Variants in SGCE observed in about 807,000 individuals in gnomAD.
The protein encoded by SGCE is sarcoglycan epsilon.
Under a neutral mutation model 57.8 loss-of-function variants are expected in SGCE, and 26 were observed. That is an observed-to-expected ratio of 0.45 (90% CI 0.33 to 0.62). The LOEUF (loss-of-function observed/expected upper bound fraction) is 0.62, where lower values mean the gene tolerates loss of function less well. SGCE is among the 20% of genes least tolerant of loss of function. The pLI is 0.02. For missense variants in SGCE, 468 were observed against 548.6 expected (o/e 0.85, Z 1.47); for synonymous variants, 183 against 189.5 (o/e 0.97, Z 0.28).
intron 5 of SGCE, among the ~76,000 whole-genome samples, chr7:94,606,869 A>G (rs1485918315): frequency 1.3e-5 from 2 of 152,212 alleles, no homozygotes; most frequent in Non-Finnish European, 2.9e-5. Context: ...TTGCACATGG[A>G]TTAAAGGAGA....
chr7:94,598,654 T>C, intron 9 of SGCE, 121 bp downstream of exon 9: 3 of 796,936 alleles, frequency 3.8e-6, no homozygotes, highest in Non-Finnish European at 6.7e-6. Flanking sequence ...ACAATGTCCT[T>C]TTGTTATTTT....
intron 1 of SGCE, among the ~76,000 whole-genome samples, chr7:94,630,696 T>A (rs1176078711): frequency 1.3e-5 from 2 of 151,958 alleles, no homozygotes; most frequent in Non-Finnish European, 2.9e-5. Context: ...GTTACTCTTG[T>A]CACTTCTACG....
intron 3 of SGCE, 113 bp downstream of exon 3, chr7:94,628,089 A>G (rs1804023792): frequency 3.9e-6 from 3 of 764,560 alleles, no homozygotes; most frequent in Middle Eastern, 2.7e-4. Flanking sequence ...AATATTAAAA[A>G]CCACCATCAG....
chr7:94,642,540 C>T (rs1806538467), intron 1 of SGCE, among the ~76,000 whole-genome samples: 1 of 152,160 alleles, frequency 6.6e-6, no homozygotes, highest in Non-Finnish European at 1.5e-5. Context: ...CATGGAGAGT[C>T]TAGGTAGATG....
chr7:94,623,719 A>G (rs1435163783), intron 3 of SGCE: 3 of 404,528 alleles, frequency 7.4e-6, no homozygotes, highest in Non-Finnish European at 1.3e-5. Flanking sequence ...ATTACTTACC[A>G]GTGATGTTCT....
rs768233498 is a variant in SGCE at position 94,588,677 on chromosome 7, C to A, written c.1297+12G>T. ...CATTCATAAACATTAATTTATTATT[C>A]TTAGCACTCACCTGTAGTCTGCTGT... On this transcript the variant is annotated intron_variant, in intron 10 of 10. Coordinates refer to ENST00000648936, the MANE Select transcript of SGCE (RefSeq NM_003919.3). 7 of 1,582,178 alleles carry A rather than the reference C, an allele frequency of 4.4e-6. No homozygotes were observed. The highest frequency in any genetic ancestry group is 2.2e-5 in the East Asian group (1 of 44,646).
chr7:94,644,599 T>C (rs1806809820), intron 1 of SGCE: 2 of 1,251,462 alleles, frequency 1.6e-6, no homozygotes, highest in Admixed American at 2.3e-5. Flanking sequence ...CTGATTATCA[T>C]ACTCACCTTA....
chr7:94,629,402 T>C (rs1804311453), intron 2 of SGCE: 1 of 275,940 alleles, frequency 3.6e-6, no homozygotes, highest in Non-Finnish European at 7.0e-6. Flanking sequence ...TATGTGAGAA[T>C]CTAGGTCTTA....
At chr7:94,655,318 G>C (rs556639974) in intron 1 of SGCE, among the ~76,000 whole-genome samples, 5 of 152,122 alleles carry the variant, frequency 3.3e-5, no homozygotes, top group South Asian at 2.1e-4. Context: ...TAGCGCACTC[G>C]GTACGGCAGC....
chr7:94,653,849 G>A (rs1013898049), intron 1 of SGCE, among the ~76,000 whole-genome samples: 1 of 151,778 alleles, frequency 6.6e-6, no homozygotes, highest in African/African-American at 2.4e-5. Flanking sequence ...ATGTACTAAG[G>A]TTGTTCATTT....
At chr7:94,628,500 G>A in intron 2 of SGCE, 141 bp from the exon 3 acceptor site, 1 of 625,526 alleles carries the variant, frequency 1.6e-6, no homozygotes, top group Non-Finnish European at 2.7e-6. Context: ...AACCCATCTG[G>A]GAATTTAAAT....
At chr7:94,610,100 A>G (rs538330058) in intron 5 of SGCE, among the ~76,000 whole-genome samples, 4 of 152,356 alleles carry the variant, frequency 2.6e-5, no homozygotes, top group Non-Finnish European at 5.9e-5. Context: ...GAAATAAGCA[A>G]ATATGGAAAG....
In SGCE at chr7:94,629,771, A is replaced by G. The variant is rs1433469443; in HGVS notation, c.180T>C (p.His60=). The stretch of plus-strand genomic sequence containing the variant: ...CCTTAAAATATTCTCTTTCCAAAAC[A>G]TGAACAAAGAGGACACCTGCTGATG... The part of the protein sequence containing the change: ...VYPSAGVLFV[H]VLEREYFKGE... The change falls in exon 2 of 11, where the codon CAT becomes CAC. Residue 60 remains histidine (H), a synonymous_variant. Transcript: ENST00000648936. 1 of 1,611,224 alleles carries G rather than the reference A, an allele frequency of 6.2e-7. No individual in the cohort carries two copies. Among genetic ancestry groups the G allele is most frequent in the Non-Finnish European group, 8.5e-7 (1 of 1,177,904 alleles).
At chr7:94,621,667 G>A (rs1489300524) in intron 4 of SGCE, 4 of 152,300 alleles carry the variant, frequency 2.6e-5, no homozygotes, top group Admixed American at 6.5e-5. Context: ...GATGGTCCAA[G>A]GCCACTGTAG....
chr7:94,600,586 T>C (rs1799051843), intron 7 of SGCE, 60 bp downstream of exon 7: 3 of 1,268,258 alleles, frequency 2.4e-6, no homozygotes, highest in African/African-American at 1.5e-5. Flanking sequence ...TTTAATGGAA[T>C]CTTCTATGTT....
chr7:94,615,290 C>T (rs1223111448), intron 5 of SGCE, among the ~76,000 whole-genome samples: 1 of 151,996 alleles, frequency 6.6e-6, no homozygotes, highest in Admixed American at 6.6e-5. Context: ...ACCCAGGAGG[C>T]AGAGGTTGCT....
At chr7:94,610,704 A>G (rs1419680267) in intron 5 of SGCE, among the ~76,000 whole-genome samples, 1 of 152,210 alleles carries the variant, frequency 6.6e-6, no homozygotes, top group Admixed American at 6.5e-5. Context: ...CACCATTAAG[A>G]AAAGTGAAGA....
At position 94,586,061 on chromosome 7, in the gene SGCE, G is replaced by GAAAA. The variant is rs780812386; in HGVS notation, c.1298-550_1298-547dup. Among the ~76,000 whole-genome samples, 256 of 28,900 alleles carry GAAAA rather than the reference G, an allele frequency of 8.9e-3. 7 individuals are homozygous for GAAAA. The highest frequency in any genetic ancestry group is 0.011 in the Non-Finnish European group (182 of 16,946). 19.0% of individuals were successfully genotyped at this position (28,900 alleles called of 152,430 possible). ...TTTAAAAGAAAACAAGGAACTAAATGAAAAAAAAAAAAAAAAAAAAAAAAA... is the reference window on the plus strand; with the variant it reads ...TTTAAAAGAAAACAAGGAACTAAATGAAAAAAAAAAAAAAAAAAAAAAAAAAAAA... On this transcript the variant is annotated intron_variant, in intron 10 of 10. Coordinates refer to ENST00000648936, the MANE Select transcript of SGCE (RefSeq NM_003919.3).
intron 1 of SGCE, among the ~76,000 whole-genome samples, chr7:94,636,663 G>A (rs955242042): frequency 1.3e-5 from 2 of 152,268 alleles, no homozygotes; most frequent in African/African-American, 4.8e-5. Context: ...TATTGCTTTT[G>A]TAACCACTTA....
Sources: gnomAD v4.1 joint callset for allele counts (sites outside exome capture counted in the v4.1 genomes callset) on GRCh38, gnomAD v4.1.1 for gene constraint, MANE v1.5 for transcripts, NCBI Gene and HGNC (gene_info 2026-07-23, HGNC 2026-07-21) for gene names.